NRXN3: variants seen among roughly 807,000 people sequenced by gnomAD.
NRXN3 encodes the protein neurexin 3.
Under a neutral mutation model 137.6 loss-of-function variants are expected in NRXN3, and 32 were observed. The ratio of observed to expected loss-of-function variants is 0.23; its 90% CI spans 0.18 to 0.31. The LOEUF (loss-of-function observed/expected upper bound fraction) is 0.31, where lower values mean the gene tolerates loss of function less well. Among genes scored for constraint, NRXN3 ranks in the 10% least tolerant of loss-of-function variants. The pLI, the probability that NRXN3 is intolerant of heterozygous loss-of-function variation, is 1.00. For synonymous variants in NRXN3, 798 were observed against 784.5 expected (o/e 1.02, Z -0.29); for missense variants, 1,574 against 2,062.5 (o/e 0.76, Z 4.59).
At chr14:78,837,267 C>A (rs2152428297) in intron 10 of NRXN3, among the ~76,000 whole-genome samples, 1 of 152,278 alleles carries the variant, frequency 6.6e-6, no homozygotes, top group East Asian at 1.9e-4. Context: ...TTAGAAATAG[C>A]AGCCAAGTTC....
intron 2 of NRXN3, among the ~76,000 whole-genome samples, chr14:78,268,808 C>A (rs1287556619): frequency 6.6e-6 from 1 of 152,042 alleles, no homozygotes; most frequent in African/African-American, 2.4e-5. Context: ...TTGCAGGGGC[C>A]TGGTATACAG....
intron 15 of NRXN3, among the ~76,000 whole-genome samples, chr14:79,105,387 T>G (rs1187720379): frequency 6.6e-6 from 1 of 152,134 alleles, no homozygotes; most frequent in Non-Finnish European, 1.5e-5. Flanking sequence ...GAGTAAAAAT[T>G]TTCAAATAAC....
intron 15 of NRXN3, among the ~76,000 whole-genome samples, chr14:79,220,444 A>G (rs1395449590): frequency 2.6e-5 from 4 of 152,156 alleles, no homozygotes; most frequent in African/African-American, 9.7e-5. Context: ...ACAATTGATG[A>G]AACAGTATTG....
intron 2 of NRXN3, among the ~76,000 whole-genome samples, chr14:78,245,445 A>C (rs1488876612): frequency 6.6e-6 from 1 of 152,196 alleles, no homozygotes; most frequent in East Asian, 1.9e-4. Context: ...GGGTGGTGCC[A>C]GGTGGGTGTG....
intron 15 of NRXN3, among the ~76,000 whole-genome samples, chr14:79,363,069 T>G (rs543530165): frequency 1.3e-5 from 2 of 151,954 alleles, no homozygotes; most frequent in South Asian, 4.2e-4. Context: ...GGTGTGATCT[T>G]GGCTCACTGC....
At chr14:78,281,052 G>A (rs1367438749) in intron 3 of NRXN3, among the ~76,000 whole-genome samples, 2 of 152,148 alleles carry the variant, frequency 1.3e-5, no homozygotes, top group Admixed American at 6.5e-5. Flanking sequence ...TTCTTTCCTC[G>A]AAGTGTCAAG....
At chr14:79,171,680 C>T (rs1173496222) in intron 15 of NRXN3, among the ~76,000 whole-genome samples, 5 of 152,130 alleles carry the variant, frequency 3.3e-5, no homozygotes, top group African/African-American at 7.2e-5. Context: ...TGTGTCAGAA[C>T]TTTCTTGCTC....
At chr14:78,327,191 T>A (rs150912437) in intron 4 of NRXN3, among the ~76,000 whole-genome samples, 256 of 152,284 alleles carry the variant, frequency 1.7e-3, no homozygotes, top group African/African-American at 6.0e-3. Context: ...AATAGAACCA[T>A]GTTTGAAGTG....
chr14:79,453,743 A>G (rs1454505427), intron 15 of NRXN3, among the ~76,000 whole-genome samples: 1 of 152,132 alleles, frequency 6.6e-6, no homozygotes, highest in African/African-American at 2.4e-5. Flanking sequence ...TCTATCTACT[A>G]TTTTATTTGT....
At chr14:79,171,945 A>T (rs1466374832) in intron 15 of NRXN3, among the ~76,000 whole-genome samples, 1 of 152,108 alleles carries the variant, frequency 6.6e-6, no homozygotes, top group Non-Finnish European at 1.5e-5. Flanking sequence ...ACCCCAGTAC[A>T]CCTAAAACCA....
intron 15 of NRXN3, among the ~76,000 whole-genome samples, chr14:79,147,352 A>G (rs1396172073): frequency 6.6e-6 from 1 of 152,134 alleles, no homozygotes; most frequent in African/African-American, 2.4e-5. Flanking sequence ...TTGACAAATG[A>G]GGAATAACTT....
rs542844587 is a variant in NRXN3 at position 79,120,216 on chromosome 14, A to G, written c.3262+132075A>G. ...TGGCCACATACTTGTATTTTGCAAT[A>G]AAAAAAAATTTAGATTCTTTGCAAT... is the stretch of plus-strand genomic sequence containing the variant. On this transcript the variant is annotated intron_variant, in intron 15 of 20. Coordinates refer to ENST00000335750, the MANE Select transcript of NRXN3 (RefSeq NM_001330195.2). Among the ~76,000 whole-genome samples, 18 of 151,750 alleles carry G rather than the reference A, an allele frequency of 1.2e-4. No homozygotes were observed. The South Asian group carries it at 3.7e-3, about 32-fold the overall frequency.
chr14:78,657,825 G>T (rs1393755976), intron 6 of NRXN3, among the ~76,000 whole-genome samples: 1 of 152,080 alleles, frequency 6.6e-6, no homozygotes, highest in Admixed American at 6.5e-5. Context: ...TAATGTGTTT[G>T]TTGTTGCTTT....
chr14:79,501,110 C>G (rs1354779021), intron 16 of NRXN3, among the ~76,000 whole-genome samples: 1 of 152,160 alleles, frequency 6.6e-6, no homozygotes, highest in Non-Finnish European at 1.5e-5. Context: ...TTCATAAAAA[C>G]TCCAGGGGAT....
chr14:78,951,758 C>A (rs1413454987), intron 10 of NRXN3, among the ~76,000 whole-genome samples: 1 of 152,074 alleles, frequency 6.6e-6, no homozygotes, highest in African/African-American at 2.4e-5. Flanking sequence ...GACCACAGTG[C>A]CTGGTTGCCT....
intron 10 of NRXN3, among the ~76,000 whole-genome samples, chr14:78,927,011 C>T: frequency 1.0e-5 from 1 of 98,082 alleles, no homozygotes; most frequent in Non-Finnish European, 2.0e-5. Context: ...ATATATATGC[C>T]AAATGTGGTG....
At chr14:78,702,422 C>T (rs56402541) in intron 6 of NRXN3, among the ~76,000 whole-genome samples, 73,501 of 146,258 alleles carry the variant, frequency 0.5, 22,203 homozygotes, top group Non-Finnish European at 0.66. Context: ...TAGAAGTTAT[C>T]CTCAAGAGAG....
At chr14:78,707,989 G>A (rs1330908442) in intron 6 of NRXN3, among the ~76,000 whole-genome samples, 1 of 152,108 alleles carries the variant, frequency 6.6e-6, no homozygotes, top group African/African-American at 2.4e-5. Context: ...TTTGCAATTG[G>A]AAATTGTGCT....
intron 4 of NRXN3, among the ~76,000 whole-genome samples, chr14:78,534,555 T>C (rs374960357): frequency 6.6e-6 from 1 of 152,208 alleles, no homozygotes; most frequent in Non-Finnish European, 1.5e-5. Flanking sequence ...AGCCAGATAC[T>C]ATCATCCTCA....
Sources: allele counts gnomAD v4.1 joint callset (sites outside exome capture counted in the v4.1 genomes callset), GRCh38; gene constraint gnomAD v4.1.1; transcripts MANE v1.5; gene names NCBI Gene and HGNC (gene_info 2026-07-23, HGNC 2026-07-21).